TFEC: variants seen among roughly 807,000 people sequenced by gnomAD.
TFEC encodes class E basic helix-loop-helix protein 34.
In TFEC, 31 loss-of-function variants were observed where a neutral mutation model predicts 41.6. The observed-to-expected ratio is 0.74, with a 90% CI of 0.56 to 1.01. TFEC has a LOEUF of 1.01. TFEC is among the 50% of genes least tolerant of loss of function. TFEC has a pLI of 0.00. For missense variants in TFEC, 402 were observed against 404.1 expected (o/e 0.99, Z 0.04); for synonymous variants, 143 against 140.6 (o/e 1.02, Z -0.12).
chr7:116,126,136 G>A (rs1187816867), intron 1 of TFEC, among the ~76,000 whole-genome samples: 1 of 151,842 alleles, frequency 6.6e-6, no homozygotes, highest in Non-Finnish European at 1.5e-5. Flanking sequence ...CAATAAGAAA[G>A]GTATAAGGAA....
rs905416730 is a variant in TFEC at position 116,030,657 on chromosome 7, G to C, written c.-97C>G. ...CCAGCAATGAGTGGATTTTATCAGT[G>C]TTGTCATCTCTACAAACAGCACCAA... On this transcript the variant is annotated 5_prime_UTR_variant, in exon 1 of 8. Transcript: ENST00000265440. The C allele has an allele frequency of 1.7e-5, 17 of 985,262 alleles. No homozygotes were observed. Among genetic ancestry groups the C allele is most frequent in the Non-Finnish European group, 2.0e-5 (17 of 829,926 alleles). 61.0% of individuals were successfully genotyped at this position (985,262 alleles called of 1,614,324 possible). A position where few individuals can be genotyped will look rare whatever the true frequency, so the allele number is the denominator to read the frequency against.
chr7:116,084,282 T>C (rs1797154405), intron 3 of TFEC, among the ~76,000 whole-genome samples: 1 of 151,896 alleles, frequency 6.6e-6, no homozygotes, highest in South Asian at 2.1e-4. Context: ...AACACAACTT[T>C]AAGGTTTTAT....
intron 3 of TFEC, among the ~76,000 whole-genome samples, chr7:116,060,238 AAG>A (rs1349155026): frequency 1.3e-5 from 2 of 152,158 alleles, no homozygotes; most frequent in Non-Finnish European, 2.9e-5. Flanking sequence ...CAAGGTTGCA[AAG>A]AAAACACTCA....
At chr7:116,136,275 C>A (rs1158940368) in intron 1 of TFEC, among the ~76,000 whole-genome samples, 1 of 151,870 alleles carries the variant, frequency 6.6e-6, no homozygotes, top group African/African-American at 2.4e-5. Flanking sequence ...CAATTCGAAG[C>A]AATTTAATAA....
intron 3 of TFEC, among the ~76,000 whole-genome samples, chr7:116,110,367 T>C (rs2116082294): frequency 6.6e-6 from 1 of 152,242 alleles, no homozygotes; most frequent in Middle Eastern, 3.4e-3. Flanking sequence ...CAAAATGAGA[T>C]GATATAAAAC....
At chr7:116,048,734 A>G (rs1796233164) in intron 3 of TFEC, among the ~76,000 whole-genome samples, 1 of 152,234 alleles carries the variant, frequency 6.6e-6, no homozygotes, top group Admixed American at 6.5e-5. Context: ...TCAGAGAGAA[A>G]GGTCAGGTTA....
chr7:115,951,729 A>G (rs576140712), intron 5 of TFEC, among the ~76,000 whole-genome samples: 2 of 152,162 alleles, frequency 1.3e-5, no homozygotes, highest in East Asian at 1.9e-4. Context: ...TGTGGGGCCA[A>G]TGCTTTGAAA....
intron 1 of TFEC, among the ~76,000 whole-genome samples, chr7:116,016,858 A>T (rs1199158349): frequency 6.6e-6 from 1 of 151,960 alleles, no homozygotes; most frequent in Non-Finnish European, 1.5e-5. Flanking sequence ...AATCACAAAC[A>T]TCTCAATATT....
intron 1 of TFEC, among the ~76,000 whole-genome samples, chr7:116,026,773 A>G (rs1470609735): frequency 6.6e-6 from 1 of 152,234 alleles, no homozygotes. Context: ...AGAAGGTTGA[A>G]TATGTCTACA....
At chr7:115,983,219 T>C (rs1050767350) in intron 2 of TFEC, among the ~76,000 whole-genome samples, 2 of 152,188 alleles carry the variant, frequency 1.3e-5, no homozygotes, top group Non-Finnish European at 2.9e-5. Context: ...TAAATATACA[T>C]GTAGGTATTT....
At chr7:116,073,057 T>C (rs1287536991) in intron 3 of TFEC, among the ~76,000 whole-genome samples, 1 of 151,554 alleles carries the variant, frequency 6.6e-6, no homozygotes, top group East Asian at 1.9e-4. Flanking sequence ...ACTATCTCTG[T>C]TTGTAGATGG....
chr7:116,016,694 T>C (rs1795204732), intron 1 of TFEC, among the ~76,000 whole-genome samples: 1 of 151,806 alleles, frequency 6.6e-6, no homozygotes, highest in African/African-American at 2.4e-5. Flanking sequence ...ATATAATATA[T>C]AGTATATTGG....
chr7:116,084,106 C>A (rs186707178), intron 3 of TFEC, among the ~76,000 whole-genome samples: 26 of 152,022 alleles, frequency 1.7e-4, no homozygotes, highest in African/African-American at 6.3e-4. Flanking sequence ...ATTGCACAAA[C>A]CGTCTTTCTT....
At position 116,158,228 on chromosome 7, in the gene TFEC, C is replaced by T. The variant is rs546480642; in HGVS notation, c.-69+1562G>A. Among the ~76,000 whole-genome samples, 11 of 152,124 alleles carry T rather than the reference C, an allele frequency of 7.2e-5. No individual in the cohort carries two copies. In the East Asian group the frequency reaches 9.7e-4, roughly 13 times the overall value. On this transcript the variant is annotated intron_variant, in intron 1 of 8. Coordinates refer to the TFEC transcript ENST00000484212. The stretch of plus-strand genomic sequence containing the variant: ...TCACCTAAATTTTTTCAGTATAATG[C>T]TATGAAAGAGGTTTCTGGTCCATTT...
intron 3 of TFEC, among the ~76,000 whole-genome samples, chr7:116,062,560 C>CATATATATACAT (rs1796589698): frequency 9.8e-6 from 1 of 101,684 alleles, no homozygotes; most frequent in Non-Finnish European, 2.0e-5. Context: ...GAGTAGTACT[C>CATATATATACAT]ATATATATAT....
At chr7:116,010,091 G>C in intron 1 of TFEC, among the ~76,000 whole-genome samples, 1 of 152,098 alleles carries the variant, frequency 6.6e-6, no homozygotes, top group East Asian at 1.9e-4. Context: ...GTGGTGAAAG[G>C]AAGCAAGGGG....
intron 3 of TFEC, among the ~76,000 whole-genome samples, chr7:116,076,820 G>A (rs1377778108): frequency 2.0e-5 from 3 of 152,108 alleles, no homozygotes; most frequent in Middle Eastern, 6.3e-3. Context: ...TCCTGAGGAA[G>A]AAGAGAAATC....
At position 116,093,257 on chromosome 7, in the gene TFEC, T is replaced by C. The variant is rs562421328; in HGVS notation, c.198+17451A>G. ...CCATAGAATATATATGTTTGAAAAA[T>C]GGAAACCAAAAGAAAAATCTACAGG... On this transcript the variant is annotated intron_variant, in intron 3 of 8. Coordinates refer to the TFEC transcript ENST00000484212. 1.5e-4 allele frequency among the ~76,000 whole-genome samples: 23 copies of C among 152,010 alleles called. No homozygotes were observed. The South Asian group carries it at 4.2e-3, about 27-fold the overall frequency.
intron 1 of TFEC, among the ~76,000 whole-genome samples, chr7:116,014,564 T>C (rs1281398808): frequency 6.6e-6 from 1 of 152,170 alleles, no homozygotes; most frequent in African/African-American, 2.4e-5. Flanking sequence ...TGTTTTAGCC[T>C]TTTTAATCTT....
Sources: allele counts gnomAD v4.1 joint callset (sites outside exome capture counted in the v4.1 genomes callset), GRCh38; gene constraint gnomAD v4.1.1; transcripts MANE v1.5; gene names NCBI Gene and HGNC (gene_info 2026-07-23, HGNC 2026-07-21).